CCDC81: variants seen among roughly 807,000 people sequenced by gnomAD.
The protein encoded by CCDC81 is coiled-coil domain containing 81.
Under a neutral mutation model 83.7 loss-of-function variants are expected in CCDC81, and 79 were observed. The ratio of observed to expected loss-of-function variants is 0.94; its 90% CI spans 0.79 to 1.14. The LOEUF (loss-of-function observed/expected upper bound fraction) is 1.14, where lower values mean the gene tolerates loss of function less well. CCDC81 is among the 50% of genes most tolerant of loss of function. The pLI, the probability that CCDC81 is intolerant of heterozygous loss-of-function variation, is 0.00. For synonymous variants in CCDC81, 252 were observed against 278.1 expected, an observed-to-expected ratio of 0.91 and a Z score of 0.93; for missense variants, 791 against 778.1, an observed-to-expected ratio of 1.02 and a Z score of -0.20.
intron 3 of CCDC81, among the ~76,000 whole-genome samples, chr11:86,388,221 C>CTTCT (rs1565759465): frequency 6.7e-5 from 10 of 150,224 alleles, no homozygotes; most frequent in African/African-American, 2.0e-4. Context: ...TCCTTCCTTC[C>CTTCT]TTCCTTCCTT....
chr11:86,403,529 A>T (rs190417577), intron 7 of CCDC81, among the ~76,000 whole-genome samples: 1 of 152,194 alleles, frequency 6.6e-6, no homozygotes, highest in Admixed American at 6.5e-5. Context: ...TAGAGGGATA[A>T]GATTAGCAGC....
chr11:86,406,018 C>T (rs972960780), intron 7 of CCDC81, among the ~76,000 whole-genome samples: 1 of 152,188 alleles, frequency 6.6e-6, no homozygotes, highest in African/African-American at 2.4e-5. Context: ...CTGCCTCGGC[C>T]TCCCAAAGTG....
At chr11:86,386,832 A>C (rs1948247792) in intron 2 of CCDC81, among the ~76,000 whole-genome samples, 1 of 152,192 alleles carries the variant, frequency 6.6e-6, no homozygotes, top group South Asian at 2.1e-4. Context: ...CTAGTCTTCC[A>C]TTGCTACGTG....
intron 5 of CCDC81, among the ~76,000 whole-genome samples, chr11:86,397,330 C>T (rs1323855551): frequency 6.6e-6 from 1 of 152,104 alleles, no homozygotes; most frequent in Non-Finnish European, 1.5e-5. Context: ...TATAAAAATT[C>T]AAATTGAAAC....
intron 2 of CCDC81, 118 bp downstream of exon 2, chr11:86,386,230 C>G: frequency 3.5e-6 from 1 of 285,932 alleles, no homozygotes; most frequent in Non-Finnish European, 6.3e-6. Context: ...GGGCAGTAGA[C>G]TTTAGAGCCA....
chr11:86,405,104 T>G (rs1948546815), intron 7 of CCDC81, among the ~76,000 whole-genome samples: 1 of 152,196 alleles, frequency 6.6e-6, no homozygotes, highest in Admixed American at 6.5e-5. Context: ...CCTCACTATT[T>G]TTTTCTTTGA....
chr11:86,383,367 G>A (rs1313167579), intron 1 of CCDC81, among the ~76,000 whole-genome samples: 1 of 152,120 alleles, frequency 6.6e-6, no homozygotes, highest in Non-Finnish European at 1.5e-5. Context: ...AAACATATCT[G>A]TTTTTTGACA....
In CCDC81 at chr11:86,414,906, A is replaced by G. The variant is rs377491697; in HGVS notation, c.1470+39A>G. The G allele has an allele frequency of 4.3e-5, 64 of 1,504,642 alleles. No individual in the cohort carries two copies. In the African/African-American group the frequency reaches 8.3e-4, roughly 20 times the overall value. The allele number at this position is 1,504,642 out of a possible 1,614,324, so 93.2% of individuals were successfully genotyped here. A position where few individuals can be genotyped will look rare whatever the true frequency, so the allele number is the denominator to read the frequency against. On this transcript the variant is annotated intron_variant, in intron 12 of 14. Transcript: ENST00000445632. The stretch of plus-strand genomic sequence containing the variant: ...CAAATATTATTTTTAAAATTATGCA[A>G]TGCATCAATAACATCCTAAAATATG...
chr11:86,375,236 C>T lies in CCDC81; in HGVS notation c.73C>T (p.Gln25Ter). 6.2e-7 allele frequency: 1 copy of T among 1,610,104 alleles called. No homozygotes were observed. The stretch of plus-strand genomic sequence containing the variant: ...GCTGCCCACTCTGCCCTCGCTGAGC[C>T]AGGAGGGTAAGCGTGTTGGGTAGCA... ...QVLPTLPSLS[Q>*]EEVSIIWGNV... Residue 25 changes from glutamine to a stop codon, truncating the protein, a stop_gained, in exon 1 of 15, where the codon CAG (glutamine) becomes TAG (stop). Coordinates refer to ENST00000445632, the MANE Select transcript of CCDC81 (RefSeq NM_001156474.2). LOFTEE classifies it high-confidence loss of function.
intron 11 of CCDC81, chr11:86,414,310 A>ATT (rs1160936153): frequency 0.068 from 9,839 of 144,654 alleles, 539 homozygotes; most frequent in African/African-American, 0.15. Context: ...AGCGTATGGA[A>ATT]TTTTTTTTTT....
Position 86,407,665 on chromosome 11 carries a change from A to T in CCDC81, c.933A>T (p.Thr311=), listed in dbSNP as rs1485731657. ...ACGACAGTGAGATGAAGCCCCAAAC[A>T]TCTCCAGCTTGCCAGGATCATAACA... is the stretch of plus-strand genomic sequence containing the variant. ...LKHDSEMKPQ[T]SPACQDHNKA... Residue 311 remains threonine (T), a synonymous_variant, in exon 8 of 15, where the codon ACA becomes ACT. Coordinates refer to ENST00000445632, the MANE Select transcript of CCDC81 (RefSeq NM_001156474.2). 1.9e-6 allele frequency: 3 copies of T among 1,613,724 alleles called. No individual in the cohort carries two copies. The South Asian group carries it at 3.3e-5, about 18-fold the overall frequency.
At position 86,408,200 on chromosome 11, in the gene CCDC81, A is replaced by T. The variant is rs776461381; in HGVS notation, c.1043A>T (p.Glu348Val). ...TACTACAGTGAGGAAAGGAGGAGAG[A>T]GATAGAAGATGAGAGACTCATACAG... ...LLYYSEERRR[E>V]IEDERLIQQY... is the part of the protein sequence containing the mutation. Residue 348 changes from glutamate to valine, a missense_variant, in exon 9 of 15, where the codon GAG (glutamate) becomes GTG (valine). By Grantham distance (121) the Glu-to-Val change is moderately radical (BLOSUM62 -2). Coordinates refer to ENST00000445632, the MANE Select transcript of CCDC81 (RefSeq NM_001156474.2). 14 of 1,614,068 alleles carry T rather than the reference A, an allele frequency of 8.7e-6. No individual in the cohort carries two copies. The highest frequency in any genetic ancestry group is 1.0e-5 in the Non-Finnish European group (12 of 1,179,940).
intron 1 of CCDC81, among the ~76,000 whole-genome samples, chr11:86,380,733 G>C (rs866527157): frequency 1.2e-4 from 18 of 152,046 alleles, no homozygotes; most frequent in African/African-American, 4.3e-4. Flanking sequence ...CCTATCAAAG[G>C]CATTCTTCAT....
chr11:86,393,744 A>G (rs1421675233), intron 4 of CCDC81, among the ~76,000 whole-genome samples: 1 of 152,252 alleles, frequency 6.6e-6, no homozygotes, highest in Non-Finnish European at 1.5e-5. Flanking sequence ...TAAGTTGGAT[A>G]CAGCAGAGTT....
Position 86,392,680 on chromosome 11 carries a change from T to C in CCDC81, c.438T>C (p.Phe146=). 1 of 1,551,718 alleles carries C rather than the reference T, an allele frequency of 6.4e-7. No individual in the cohort carries two copies. Among genetic ancestry groups the C allele is most frequent in the African/African-American group, 1.4e-5 (1 of 73,180 alleles). ...RSISMKQNVE[F]TFKGIGVLMI... ...TTTCCATGAAACAAAATGTGGAGTTTACATTCAAAGGAATTGGGGTCCTCA... is the reference window on the plus strand; with the variant it reads ...TTTCCATGAAACAAAATGTGGAGTTCACATTCAAAGGAATTGGGGTCCTCA... The change falls in exon 4 of 15, where the codon TTT becomes TTC. Residue 146 remains phenylalanine, a synonymous_variant. Transcript: ENST00000445632.
intron 3 of CCDC81, among the ~76,000 whole-genome samples, chr11:86,390,898 A>T (rs1948319990): frequency 6.6e-6 from 1 of 152,224 alleles, no homozygotes; most frequent in Non-Finnish European, 1.5e-5. Flanking sequence ...ACCAGAGCTT[A>T]GGAGAAGAGT....
chr11:86,377,502 A>T (rs187626989), intron 1 of CCDC81, among the ~76,000 whole-genome samples: 2 of 152,114 alleles, frequency 1.3e-5, no homozygotes, highest in Admixed American at 1.3e-4. Context: ...ATTCTAATAG[A>T]TGGTGTATTG....
intron 6 of CCDC81, among the ~76,000 whole-genome samples, chr11:86,398,562 T>A (rs1230741027): frequency 6.6e-6 from 1 of 151,964 alleles, no homozygotes; most frequent in Non-Finnish European, 1.5e-5. Flanking sequence ...CTTTTTATTT[T>A]CTTTTTGAGA....
chr11:86,400,985 C>T (rs145210506), intron 7 of CCDC81, among the ~76,000 whole-genome samples, 184 bp downstream of exon 7: 1 of 152,094 alleles, frequency 6.6e-6, no homozygotes, highest in Non-Finnish European at 1.5e-5. Context: ...GAAAGCCAGA[C>T]ATATGCAGAG....
Sources: allele counts gnomAD v4.1 joint callset (sites outside exome capture counted in the v4.1 genomes callset), GRCh38; gene constraint gnomAD v4.1.1; transcripts MANE v1.5; gene names NCBI Gene and HGNC (gene_info 2026-07-23, HGNC 2026-07-21).